Variants in IPP observed in about 807,000 individuals in gnomAD.
IPP encodes the protein actin-binding protein IPP.
IPP carries 41 observed loss-of-function variants against 64.1 expected under a neutral mutation model. The ratio of observed to expected loss-of-function variants is 0.64; its 90% CI spans 0.50 to 0.83. The LOEUF is 0.83. Ranked by LOEUF, IPP falls within the 40% of genes least tolerant of loss-of-function variation. The probability of loss-of-function intolerance (pLI) is 0.00; values close to 1 mark genes in which losing one functional copy is unlikely to be tolerated. For synonymous variants in IPP, 214 were observed against 235.2 expected (o/e 0.91, Z 0.83); for missense variants, 649 against 703.0 (o/e 0.92, Z 0.87).
intron 3 of IPP, among the ~76,000 whole-genome samples, chr1:45,736,034 C>T (rs1187281603): frequency 1.3e-5 from 2 of 150,878 alleles, no homozygotes; most frequent in Non-Finnish European, 2.9e-5. Context: ...TCACTTGAAC[C>T]CAGGAGGCGG....
intron 3 of IPP, among the ~76,000 whole-genome samples, chr1:45,739,861 TTTCTCG>T (rs1646036088): frequency 6.6e-6 from 1 of 151,480 alleles, no homozygotes; most frequent in African/African-American, 2.4e-5. Flanking sequence ...TTCTTGGGTG[TTTCTCG>T]TAGAGGGGGA....
chr1:45,695,140 A>G (rs974014451), downstream of IPP, among the ~76,000 whole-genome samples: 56 of 152,194 alleles, frequency 3.7e-4, no homozygotes, highest in African/African-American at 1.3e-3. Context: ...ATCACAGAGA[A>G]GCTTTTAGCT....
intron 5 of IPP, among the ~76,000 whole-genome samples, chr1:45,719,757 G>A (rs1645706890): frequency 2.0e-5 from 3 of 152,088 alleles, no homozygotes; most frequent in Non-Finnish European, 4.4e-5. Flanking sequence ...ACGGAGTCTC[G>A]CTCTGTCGCC....
At chr1:45,746,919 A>G (rs1646141642) in intron 1 of IPP, among the ~76,000 whole-genome samples, 3 of 152,194 alleles carry the variant, frequency 2.0e-5, no homozygotes, top group Admixed American at 2.0e-4. Context: ...GATTCTTGTT[A>G]TAATTTAAGA....
intron 6 of IPP, among the ~76,000 whole-genome samples, chr1:45,717,735 G>A (rs1049797640): frequency 6.6e-6 from 1 of 151,968 alleles, no homozygotes; most frequent in East Asian, 1.9e-4. Flanking sequence ...AGTTGGTCTC[G>A]ATCTCCTGAC....
chr1:45,701,940 AAAGTG>A lies in IPP; in HGVS notation c.1531-1755_1531-1751del, dbSNP rs148613978. ...ATACTAAACCAGGGACAATTCTTTG[AAAGTG>A]AAGGACTAGATTAAATTTGAAAGCT... On this transcript the variant is annotated intron_variant, in intron 8 of 8. Coordinates refer to ENST00000396478, the MANE Select transcript of IPP (RefSeq NM_005897.3). Among the ~76,000 whole-genome samples the A allele has an allele frequency of 7.5e-4, 115 of 152,338 alleles. 1 individual carries two copies. In the East Asian group the frequency reaches 0.019, roughly 25 times the overall value.
In IPP at chr1:45,698,957, A is replaced by C. The variant is rs1052181805; in HGVS notation, c.*1009T>G. The stretch of plus-strand genomic sequence containing the variant: ...GGCTAGTCTCGAACTCCTGAGTTCA[A>C]GCCATCTTCCCGTCTCACCTCGGCC... On this transcript the variant is annotated 3_prime_UTR_variant, in exon 9 of 9. Transcript: ENST00000396478. 1.5e-4 allele frequency: 112 copies of C among 749,490 alleles called. No homozygotes were observed. Among genetic ancestry groups the C allele is most frequent in the Non-Finnish European group, 1.8e-4 (112 of 614,698 alleles). The allele number at this position is 749,490 out of a possible 1,614,324, so 46.4% of individuals were successfully genotyped here.
intron 1 of IPP, among the ~76,000 whole-genome samples, chr1:45,747,705 A>G (rs942466462): frequency 1.3e-5 from 2 of 151,732 alleles, no homozygotes; most frequent in East Asian, 1.9e-4. Context: ...GATCAGGGCT[A>G]TAATCCCAGC....
chr1:45,738,375 A>G (rs1263123322), intron 3 of IPP, among the ~76,000 whole-genome samples: 1 of 151,798 alleles, frequency 6.6e-6, no homozygotes, highest in Non-Finnish European at 1.5e-5. Flanking sequence ...GCCCCTAACC[A>G]TAATGTTCAG....
rs1418968912 is a variant in IPP at position 45,741,917 on chromosome 1, C to T, written c.293-585G>A. ...TGCTGGGATTACAGGCGTGAGCCAC[C>T]GCGCCCAGCCTTATTTTCATATTAA... On this transcript the variant is annotated intron_variant, in intron 2 of 8. Coordinates refer to ENST00000396478, the MANE Select transcript of IPP (RefSeq NM_005897.3). Among the ~76,000 whole-genome samples, 2 of 77,936 alleles carry T rather than the reference C, an allele frequency of 2.6e-5. 1 individual carries two copies. 51.1% of individuals were successfully genotyped at this position (77,936 alleles called of 152,430 possible).
At chr1:45,741,655 G>T (rs1646068825) in intron 2 of IPP, among the ~76,000 whole-genome samples, 2 of 63,268 alleles carry the variant, frequency 3.2e-5, no homozygotes, top group South Asian at 6.4e-4. Context: ...TTGAGACGGA[G>T]TCCCGCTCTT....
rs368021077 is a variant in IPP, at chr1:45,717,635, CG to C, written c.1187-619del. 7.3e-3 allele frequency among the ~76,000 whole-genome samples: 1,117 copies of C among 152,110 alleles called. 10 individuals are homozygous for C. Among genetic ancestry groups the C allele is most frequent in the South Asian group, 0.035 (170 of 4,808 alleles). On this transcript the variant is annotated intron_variant, in intron 6 of 8. Coordinates refer to ENST00000396478, the MANE Select transcript of IPP (RefSeq NM_005897.3). ...CATGCCATTCTCCTGCCTCAGCCTC[CG>C]GAGTAGCTGAGACTACAGGCGCCCA...
At position 45,714,421 on chromosome 1, in the gene IPP, A is replaced by G; in HGVS notation, c.1355T>C (p.Leu452Pro). ...TGGATCATAGACTTCAAAAGAACGA[A>G]GTTCTATTCCTTCATTGCTGATGCC... ...IGGISNEGIELRSFEVYDPLS... is the reference protein window; with the variant it reads ...IGGISNEGIEPRSFEVYDPLS... Residue 452 changes from leucine (L) to proline (P), a missense_variant, in exon 8 of 9, where the codon CTT becomes CCT. Transcript: ENST00000396478. 1 of 1,613,910 alleles carries G rather than the reference A, an allele frequency of 6.2e-7. No homozygotes were observed. The highest frequency in any genetic ancestry group is 8.5e-7 in the Non-Finnish European group (1 of 1,179,740).
At chr1:45,737,596 G>A (rs1310933270) in intron 3 of IPP, among the ~76,000 whole-genome samples, 1 of 151,706 alleles carries the variant, frequency 6.6e-6, no homozygotes, top group Non-Finnish European at 1.5e-5. Context: ...GAATAGCTGG[G>A]TCTACAAGCA....
Position 45,741,089 on chromosome 1 carries a change from G to C in IPP, c.536C>G (p.Thr179Arg), listed in dbSNP as rs375935974. The change falls in exon 3 of 9, where the codon ACG (threonine) becomes AGG (arginine). Residue 179 changes from threonine (T) to arginine (R), a missense_variant. Physicochemically the swap from Thr to Arg is moderately conservative, Grantham distance 71. Coordinates refer to ENST00000396478, the MANE Select transcript of IPP (RefSeq NM_005897.3). ...CAAAATTTTGATCAGCTGATCTTTCGTAAGTGCCAGGAACTCTTCTCCACT... is the reference window on the plus strand; with the variant it reads ...CAAAATTTTGATCAGCTGATCTTTCCTAAGTGCCAGGAACTCTTCTCCACT... ...VHSGEEFLAL[T>R]KDQLIKILRS... 16 of 1,613,988 alleles carry C rather than the reference G, an allele frequency of 9.9e-6. No individual in the cohort carries two copies. In the African/African-American group the frequency reaches 1.6e-4, roughly 16 times the overall value.
At chr1:45,732,162 C>A (rs1431682605) in intron 3 of IPP, among the ~76,000 whole-genome samples, 1 of 151,670 alleles carries the variant, frequency 6.6e-6, no homozygotes, top group Non-Finnish European at 1.5e-5. Flanking sequence ...GAGTTCAAGA[C>A]CAGTCTGGCC....
rs1196893809 is a variant in IPP at position 45,711,622 on chromosome 1, C to T, written c.1530+2624G>A. Among the ~76,000 whole-genome samples the T allele has an allele frequency of 2.6e-5, 4 of 152,118 alleles. No individual in the cohort carries two copies. In the East Asian group the frequency reaches 5.8e-4, roughly 22 times the overall value. ...TACAAAAAGTAGCTGGGTGTGGTGGCACATGCCTGTATTCCCAGCTACGTG... is the reference window on the plus strand; with the variant it reads ...TACAAAAAGTAGCTGGGTGTGGTGGTACATGCCTGTATTCCCAGCTACGTG... On this transcript the variant is annotated intron_variant, in intron 8 of 8. Transcript: ENST00000396478.
intron 3 of IPP, among the ~76,000 whole-genome samples, chr1:45,739,866 C>T (rs1310514133): frequency 1.4e-5 from 2 of 144,386 alleles, no homozygotes; most frequent in South Asian, 2.2e-4. Flanking sequence ...GGGTGTTTCT[C>T]GTAGAGGGGG....
chr1:45,705,776 A>G lies in IPP; in HGVS notation c.1531-5586T>C, dbSNP rs1258525445. 3.3e-5 allele frequency among the ~76,000 whole-genome samples: 5 copies of G among 152,234 alleles called. No individual in the cohort carries two copies. In the East Asian group the frequency reaches 7.7e-4, roughly 24 times the overall value. ...AGCCAAGACTGCCCCACTGCACTCC[A>G]GCCTGGGAGACAGAGTGAGACATCG... On this transcript the variant is annotated intron_variant, in intron 8 of 8. Transcript: ENST00000396478.
Sources: allele counts gnomAD v4.1 joint callset (sites outside exome capture counted in the v4.1 genomes callset), GRCh38; gene constraint gnomAD v4.1.1; transcripts MANE v1.5; gene names NCBI Gene and HGNC (gene_info 2026-07-23, HGNC 2026-07-21).